OSBPL8: variants seen among roughly 807,000 people sequenced by gnomAD.
The protein encoded by OSBPL8 is oxysterol-binding protein-related protein 8.
OSBPL8 carries 59 observed loss-of-function variants against 125.5 expected under a neutral mutation model. That is an observed-to-expected ratio of 0.47 (90% CI 0.38 to 0.58). The LOEUF (loss-of-function observed/expected upper bound fraction) is 0.58. Ranked by LOEUF, OSBPL8 falls within the 20% of genes least tolerant of loss-of-function variation. The probability of loss-of-function intolerance (pLI) is 0.00; values close to 1 mark genes in which losing one functional copy is unlikely to be tolerated. For synonymous variants in OSBPL8, 330 were observed against 338.9 expected (o/e 0.97, Z 0.29); for missense variants, 758 against 1,047.8 (o/e 0.72, Z 3.82).
intron 1 of OSBPL8, among the ~76,000 whole-genome samples, chr12:76,536,724 G>A (rs1238792322): frequency 2.0e-5 from 3 of 151,450 alleles, no homozygotes; most frequent in Non-Finnish European, 4.4e-5. Flanking sequence ...GAATGGTAAT[G>A]TGCAGAAGAA....
chr12:76,484,160 C>T (rs1236445958), intron 2 of OSBPL8, among the ~76,000 whole-genome samples: 1 of 152,206 alleles, frequency 6.6e-6, no homozygotes, highest in African/African-American at 2.4e-5. Context: ...TTCCTCTAAA[C>T]ATCACTCACT....
At chr12:76,499,306 C>CTATCTATG (rs1359167417) in intron 1 of OSBPL8, among the ~76,000 whole-genome samples, 1 of 99,920 alleles carries the variant, frequency 1.0e-5, no homozygotes, top group African/African-American at 4.1e-5. Flanking sequence ...TTAATAAACT[C>CTATCTATG]TATCTATCTA....
intron 2 of OSBPL8, among the ~76,000 whole-genome samples, chr12:76,461,471 G>A (rs1171339711): frequency 6.6e-6 from 1 of 152,048 alleles, no homozygotes; most frequent in African/African-American, 2.4e-5. Context: ...TGTTTTTTGA[G>A]GTAGAGTCTC....
intron 8 of OSBPL8, among the ~76,000 whole-genome samples, chr12:76,396,071 T>TTA (rs1394103052): frequency 3.3e-5 from 5 of 151,178 alleles, no homozygotes; most frequent in South Asian, 2.1e-4. Flanking sequence ...ATATGTATGT[T>TTA]TATATATATA....
At chr12:76,530,082 C>A (rs1488576907) in intron 1 of OSBPL8, among the ~76,000 whole-genome samples, 2 of 152,098 alleles carry the variant, frequency 1.3e-5, no homozygotes, top group East Asian at 3.9e-4. Context: ...GACACAGGGT[C>A]TCATTCTGTT....
chr12:76,377,907 TTAAA>T (rs1390662583), intron 16 of OSBPL8, among the ~76,000 whole-genome samples: 1 of 152,160 alleles, frequency 6.6e-6, no homozygotes, highest in Non-Finnish European at 1.5e-5. Context: ...GCTGAAATGA[TTAAA>T]TAAATGCATT....
At chr12:76,412,576 T>C (rs1868273517) in intron 4 of OSBPL8, among the ~76,000 whole-genome samples, 1 of 152,296 alleles carries the variant, frequency 6.6e-6, no homozygotes, top group Non-Finnish European at 1.5e-5. Context: ...GCAATAATGA[T>C]ATTTATACTA....
chr12:76,518,911 C>A (rs1178460191), intron 1 of OSBPL8, among the ~76,000 whole-genome samples: 1 of 152,212 alleles, frequency 6.6e-6, no homozygotes, highest in African/African-American at 2.4e-5. Flanking sequence ...ATGGGAGAGG[C>A]TGCTTCTAAG....
chr12:76,469,420 C>T (rs992153112), intron 2 of OSBPL8, among the ~76,000 whole-genome samples: 2 of 152,166 alleles, frequency 1.3e-5, no homozygotes, highest in East Asian at 3.8e-4. Flanking sequence ...GGTCGGATTG[C>T]AGGGGAGAGC....
At chr12:76,514,912 T>C (rs1031863012) in intron 1 of OSBPL8, among the ~76,000 whole-genome samples, 2 of 152,252 alleles carry the variant, frequency 1.3e-5, no homozygotes, top group African/African-American at 4.8e-5. Flanking sequence ...AGATCTGAGA[T>C]TCTTTCCTCA....
intron 1 of OSBPL8, among the ~76,000 whole-genome samples, chr12:76,498,121 TG>T (rs1430779526): frequency 6.6e-6 from 1 of 152,226 alleles, no homozygotes; most frequent in Non-Finnish European, 1.5e-5. Flanking sequence ...AATCAGTATT[TG>T]GGCTGGGCAC....
intron 21 of OSBPL8, among the ~76,000 whole-genome samples, chr12:76,364,416 C>T (rs771093445): frequency 1.1e-4 from 16 of 152,076 alleles, no homozygotes; most frequent in Admixed American, 2.6e-4. Flanking sequence ...AACCAAATAC[C>T]GCATGTTCTT....
chr12:76,479,047 C>T (rs1479321821), intron 2 of OSBPL8, among the ~76,000 whole-genome samples: 2 of 152,122 alleles, frequency 1.3e-5, no homozygotes, highest in Non-Finnish European at 2.9e-5. Context: ...GGCGACAGAG[C>T]GAGACTCTGT....
At position 76,459,897 on chromosome 12, in the gene OSBPL8, T is replaced by G; in HGVS notation, c.43-2A>C. The G allele has an allele frequency of 6.2e-7, 1 of 1,613,676 alleles. No individual in the cohort carries two copies. Among genetic ancestry groups the G allele is most frequent in the Non-Finnish European group, 8.5e-7 (1 of 1,179,954 alleles). ...GACATCTTTGCTATCACCAAGAAGC[T>G]TTTAAGGCAGGGTAATTGAGCAGCA... is the stretch of plus-strand genomic sequence containing the variant. On this transcript the variant is annotated splice_acceptor_variant, in intron 2 of 23. Coordinates refer to ENST00000261183, the MANE Select transcript of OSBPL8 (RefSeq NM_020841.5). LOFTEE classifies it high-confidence loss of function.
chr12:76,513,040 C>T (rs1881163338), intron 1 of OSBPL8, among the ~76,000 whole-genome samples: 1 of 152,196 alleles, frequency 6.6e-6, no homozygotes, highest in South Asian at 2.1e-4. Flanking sequence ...CATCCTTAAA[C>T]TTTGCTGAAC....
chr12:76,372,301 G>C (rs137856985), intron 18 of OSBPL8, among the ~76,000 whole-genome samples: 1 of 152,174 alleles, frequency 6.6e-6, no homozygotes, highest in East Asian at 1.9e-4. Flanking sequence ...CACCTCCCAG[G>C]CTCAAGCAAT....
At chr12:76,541,157 T>C (rs149588986) in intron 1 of OSBPL8, among the ~76,000 whole-genome samples, 289 of 152,294 alleles carry the variant, frequency 1.9e-3, no homozygotes, top group Non-Finnish European at 1.1e-3. Flanking sequence ...AAAGTATTTG[T>C]AATAAATAAG....
intron 1 of OSBPL8, among the ~76,000 whole-genome samples, chr12:76,548,632 CCATA>C (rs147108750): frequency 0.013 from 1,946 of 152,040 alleles, 21 homozygotes; most frequent in Middle Eastern, 0.037. Context: ...TTTAAAGGGC[CCATA>C]CATAGCCTAG....
chr12:76,409,354 G>A (rs1273221133), intron 5 of OSBPL8, among the ~76,000 whole-genome samples: 2 of 152,162 alleles, frequency 1.3e-5, no homozygotes, highest in Non-Finnish European at 2.9e-5. Flanking sequence ...TCCCCTCAGT[G>A]TATTAGCATC....
Sources: allele counts gnomAD v4.1 joint callset (sites outside exome capture counted in the v4.1 genomes callset), GRCh38; gene constraint gnomAD v4.1.1; transcripts MANE v1.5; gene names NCBI Gene and HGNC (gene_info 2026-07-23, HGNC 2026-07-21).